The following TEF variants were observed in gnomAD, a reference collection of about 807,000 sequenced individuals.
TEF encodes TEF transcription factor, PAR bZIP family member.
A neutral mutation model predicts 20.8 loss-of-function variants in TEF; 3 were observed. The ratio of observed to expected loss-of-function variants is 0.14; its 90% CI spans 0.07 to 0.37. The LOEUF (loss-of-function observed/expected upper bound fraction) is 0.37. Ranked by LOEUF, TEF falls within the 10% of genes least tolerant of loss-of-function variation. The pLI is 1.00. For missense variants in TEF, 296 were observed against 397.9 expected (o/e 0.74, Z 2.18); for synonymous variants, 180 against 171.1 (o/e 1.05, Z -0.41).
intron 1 of TEF, among the ~76,000 whole-genome samples, chr22:41,382,514 G>C (rs931264853): frequency 6.6e-6 from 1 of 152,102 alleles, no homozygotes; most frequent in Admixed American, 6.5e-5. Flanking sequence ...GGAGTCACTC[G>C]GGATGCCTGT....
Position 41,398,067 on chromosome 22 carries a change from CT to C in TEF, c.*2110del, listed in dbSNP as rs2037251342. 6.6e-6 allele frequency: 1 copy of C among 152,134 alleles called. No individual in the cohort carries two copies. Among genetic ancestry groups the C allele is most frequent in the African/African-American group, 2.4e-5 (1 of 41,424 alleles). 9.4% of individuals were successfully genotyped at this position (152,134 alleles called of 1,614,324 possible). ...TCCCCCAGGCAGTGGGTATCGGGTT[CT>C]TTCCCAAAGTGCTTACTTGGAAAGA... On this transcript the variant is annotated 3_prime_UTR_variant, in exon 4 of 4. Transcript: ENST00000266304.
chr22:41,395,167 G>A (rs1289756425), intron 3 of TEF, among the ~76,000 whole-genome samples: 5 of 151,936 alleles, frequency 3.3e-5, no homozygotes, highest in African/African-American at 7.3e-5. Context: ...CCACCACGCC[G>A]GCTAATTTTT....
At chr22:41,389,402 A>T (rs2037138714) in intron 2 of TEF, among the ~76,000 whole-genome samples, 1 of 151,918 alleles carries the variant, frequency 6.6e-6, no homozygotes, top group South Asian at 2.1e-4. Context: ...CTCCATCTCA[A>T]AGAAAAAAAA....
chr22:41,375,369 C>A (rs755438160), intron 1 of TEF, among the ~76,000 whole-genome samples: 1 of 152,204 alleles, frequency 6.6e-6, no homozygotes, highest in African/African-American at 2.4e-5. Context: ...AAGGCTTGTG[C>A]GGGCAGACTT....
chr22:41,379,210 C>A (rs2036983584), upstream of TEF, among the ~76,000 whole-genome samples: 1 of 152,086 alleles, frequency 6.6e-6, no homozygotes, highest in Admixed American at 6.5e-5. Flanking sequence ...CGGTGGCGGG[C>A]TCCTGTAGTC....
At chr22:41,386,372 C>A (rs574571103) in intron 1 of TEF, among the ~76,000 whole-genome samples, 2 of 151,940 alleles carry the variant, frequency 1.3e-5, no homozygotes, top group Non-Finnish European at 2.9e-5. Context: ...ACCAGGGAGG[C>A]GGAGGTTGCA....
At chr22:41,367,859 T>C (rs1359609052) in intron 1 of TEF, among the ~76,000 whole-genome samples, 2 of 152,092 alleles carry the variant, frequency 1.3e-5, no homozygotes, top group Non-Finnish European at 2.9e-5. Context: ...GCTGTGCTCA[T>C]GTGGGACCAG....
intron 1 of TEF, among the ~76,000 whole-genome samples, chr22:41,384,362 A>G (rs974766082): frequency 6.6e-6 from 1 of 151,974 alleles, no homozygotes; most frequent in African/African-American, 2.4e-5. Context: ...CACATGTGTA[A>G]CTTTGTGACT....
At chr22:41,372,675 C>T (rs2036896694) in intron 1 of TEF, among the ~76,000 whole-genome samples, 1 of 152,094 alleles carries the variant, frequency 6.6e-6, no homozygotes, top group Non-Finnish European at 1.5e-5. Flanking sequence ...GTTTGCTATG[C>T]TTGGAGAGCC....
upstream of TEF, among the ~76,000 whole-genome samples, chr22:41,380,556 C>G (rs959114291): frequency 1.1e-4 from 17 of 152,160 alleles, no homozygotes; most frequent in African/African-American, 2.9e-4. Context: ...CTATACCACC[C>G]CCCCAACCCC....
rs779915359 is a variant in TEF at position 41,394,331 on chromosome 22, C to G, written c.696+15C>G. The G allele has an allele frequency of 1.2e-6, 2 of 1,609,100 alleles. No individual in the cohort carries two copies. Among genetic ancestry groups the G allele is most frequent in the African/African-American group, 2.7e-5 (2 of 74,742 alleles). ...ACGAGCAGAAGGTAACCTGGTATTC[C>G]TTATAAATAAAGATGCAGCGTTGGT... On this transcript the variant is annotated intron_variant, in intron 3 of 3. Coordinates refer to ENST00000266304, the MANE Select transcript of TEF (RefSeq NM_003216.4).
chr22:41,395,305 C>T (rs1569258798), intron 3 of TEF, among the ~76,000 whole-genome samples: 1 of 152,128 alleles, frequency 6.6e-6, no homozygotes, highest in Non-Finnish European at 1.5e-5. Flanking sequence ...CATGCCTGGC[C>T]TGTTATTTCT....
At chr22:41,368,669 C>A (rs1017782597) in intron 1 of TEF, among the ~76,000 whole-genome samples, 11 of 152,170 alleles carry the variant, frequency 7.2e-5, no homozygotes, top group African/African-American at 2.7e-4. Context: ...CGGGGAAGGA[C>A]GTACTGGGAG....
chr22:41,380,937 C>G (rs1341652864), upstream of TEF, among the ~76,000 whole-genome samples: 2 of 152,178 alleles, frequency 1.3e-5, no homozygotes, highest in East Asian at 1.9e-4. Flanking sequence ...TGTGGAGATT[C>G]TCTAGCCCAA....
intron 1 of TEF, among the ~76,000 whole-genome samples, chr22:41,375,061 T>C (rs1569251711): frequency 6.6e-6 from 1 of 152,184 alleles, no homozygotes; most frequent in Non-Finnish European, 1.5e-5. Flanking sequence ...CGTCTTTGAC[T>C]GCAGAAACCG....
chr22:41,384,716 CAAT>C (rs1430863898), intron 1 of TEF, among the ~76,000 whole-genome samples: 2 of 152,162 alleles, frequency 1.3e-5, no homozygotes, highest in Non-Finnish European at 2.9e-5. Context: ...CCCACAGTAA[CAAT>C]GATGCCTACA....
chr22:41,384,525 G>A (rs950887823), intron 1 of TEF, among the ~76,000 whole-genome samples: 13 of 152,220 alleles, frequency 8.5e-5, no homozygotes, highest in Admixed American at 7.2e-4. Flanking sequence ...TCTTGAAATG[G>A]TTGCTCTGAA....
At chr22:41,393,309 C>A (rs1601825305) in intron 2 of TEF, among the ~76,000 whole-genome samples, 1 of 149,950 alleles carries the variant, frequency 6.7e-6, no homozygotes, top group Admixed American at 6.7e-5. Flanking sequence ...CCACTATACT[C>A]CAGCCTAGGT....
At chr22:41,367,603 G>A in intron 1 of TEF, 2 of 1,551,190 alleles carry the variant, frequency 1.3e-6, no homozygotes, top group African/African-American at 1.4e-5. Flanking sequence ...AGAACAGGTA[G>A]GAGCACAGGT....
Sources: gnomAD v4.1 joint callset for allele counts (sites outside exome capture counted in the v4.1 genomes callset) on GRCh38, gnomAD v4.1.1 for gene constraint, MANE v1.5 for transcripts, NCBI Gene and HGNC (gene_info 2026-07-23, HGNC 2026-07-21) for gene names.